The following CCSER2 variants were observed in gnomAD, a reference collection of about 807,000 sequenced individuals.
CCSER2 encodes the protein serine-rich coiled-coil domain-containing protein 2.
In CCSER2, 46 loss-of-function variants were observed where a neutral mutation model predicts 92.3. That is an observed-to-expected ratio of 0.50 (90% CI 0.39 to 0.64). The LOEUF (loss-of-function observed/expected upper bound fraction) is 0.64. CCSER2 is among the 30% of genes least tolerant of loss of function. The probability of loss-of-function intolerance (pLI) is 0.00; values close to 1 mark genes in which losing one functional copy is unlikely to be tolerated. For missense variants in CCSER2, 1,244 were observed against 1,238.9 expected (o/e 1.00, Z -0.06); for synonymous variants, 433 against 431.4 (o/e 1.00, Z -0.04).
At chr10:84,393,716 AAATT>A (rs1841660503) in intron 3 of CCSER2, 1 of 152,628 alleles carries the variant, frequency 6.6e-6, no homozygotes, top group Non-Finnish European at 1.5e-5. Flanking sequence ...AACCTTTAAA[AAATT>A]AAAGGTACTG....
rs35558044 is a variant in CCSER2, at chr10:84,341,343, C to CTTTTTT, written c.-40+12554_-40+12559dup. ...GCCACTGCACCTGGCCTTTGTAACT[C>CTTTTTT]TTTTTTTTTTTTTTTTTTTTTTTTA... is the stretch of plus-strand genomic sequence containing the variant. On this transcript the variant is annotated intron_variant, in intron 1 of 9. Coordinates refer to ENST00000372088, the MANE Select transcript of CCSER2 (RefSeq NM_001284240.2). 4.8e-4 allele frequency among the ~76,000 whole-genome samples: 45 copies of CTTTTTT among 94,308 alleles called. 3 individuals carry two copies. The highest frequency in any genetic ancestry group is 2.3e-3 in the African/African-American group (45 of 19,270). The allele number at this position is 94,308 out of a possible 152,430, so 61.9% of individuals were successfully genotyped here.
At chr10:84,465,597 A>G (rs1846371261) in intron 7 of CCSER2, among the ~76,000 whole-genome samples, 1 of 151,996 alleles carries the variant, frequency 6.6e-6, no homozygotes, top group Admixed American at 6.6e-5. Context: ...AAGTGTTGGG[A>G]TTGCAGGCAT....
intron 1 of CCSER2, among the ~76,000 whole-genome samples, chr10:84,337,138 A>G (rs1843881499): frequency 6.6e-6 from 1 of 152,158 alleles, no homozygotes; most frequent in East Asian, 1.9e-4. Flanking sequence ...TGGGTTAGAG[A>G]TATATAAATT....
chr10:84,372,857 A>C (rs1846139926), intron 2 of CCSER2, among the ~76,000 whole-genome samples: 1 of 152,120 alleles, frequency 6.6e-6, no homozygotes, highest in Non-Finnish European at 1.5e-5. Context: ...AAGCTGTACC[A>C]AAGGGTACAA....
At chr10:84,446,762 T>C (rs988617786) in intron 6 of CCSER2, among the ~76,000 whole-genome samples, 2 of 152,208 alleles carry the variant, frequency 1.3e-5, no homozygotes, top group African/African-American at 2.4e-5. Flanking sequence ...TTCCAGAACC[T>C]AGAGTTTTCC....
chr10:84,492,498 T>C (rs1209991947), intron 9 of CCSER2, among the ~76,000 whole-genome samples: 3 of 152,206 alleles, frequency 2.0e-5, no homozygotes, highest in Admixed American at 1.3e-4. Flanking sequence ...GGATTTTCAT[T>C]ACTATGTTGA....
intron 1 of CCSER2, among the ~76,000 whole-genome samples, chr10:84,341,367 T>TTTTA (rs71013314): frequency 6.8e-6 from 1 of 147,862 alleles, no homozygotes; most frequent in African/African-American, 2.5e-5. Context: ...TTTTTTTTTT[T>TTTTA]AGAGGCGGAG....
intron 1 of CCSER2, among the ~76,000 whole-genome samples, chr10:84,362,347 C>T (rs971775903): frequency 3.9e-5 from 6 of 152,138 alleles, no homozygotes; most frequent in East Asian, 1.9e-4. Flanking sequence ...TCAATATTGA[C>T]GTAGTTTGGC....
At chr10:84,340,270 T>G (rs1240420846) in intron 1 of CCSER2, among the ~76,000 whole-genome samples, 1 of 152,224 alleles carries the variant, frequency 6.6e-6, no homozygotes, top group Non-Finnish European at 1.5e-5. Context: ...CTGTTAACAT[T>G]ATGAGGTTTT....
At chr10:84,493,400 A>G (rs1848276046) in intron 9 of CCSER2, among the ~76,000 whole-genome samples, 1 of 152,180 alleles carries the variant, frequency 6.6e-6, no homozygotes, top group African/African-American at 2.4e-5. Flanking sequence ...CAAAGAACCA[A>G]CATTTTGTTT....
At chr10:84,341,136 A>G (rs1844157907) in intron 1 of CCSER2, among the ~76,000 whole-genome samples, 1 of 144,692 alleles carries the variant, frequency 6.9e-6, no homozygotes, top group African/African-American at 2.6e-5. Context: ...AACCTCCTGG[A>G]CTCAAGTGAT....
intron 6 of CCSER2, among the ~76,000 whole-genome samples, chr10:84,441,856 A>T (rs1440308155): frequency 7.2e-6 from 1 of 138,630 alleles, no homozygotes; most frequent in Non-Finnish European, 1.5e-5. Flanking sequence ...TCCTGGGTTC[A>T]CGCCATTCTC....
At chr10:84,486,162 G>T (rs1487708300) in intron 9 of CCSER2, among the ~76,000 whole-genome samples, 1 of 152,140 alleles carries the variant, frequency 6.6e-6, no homozygotes, top group Non-Finnish European at 1.5e-5. Context: ...ATTTGGGTTG[G>T]TTCCAAGTCT....
chr10:84,379,860 A>G (rs923743426), intron 3 of CCSER2, among the ~76,000 whole-genome samples: 4 of 152,066 alleles, frequency 2.6e-5, no homozygotes, highest in African/African-American at 9.7e-5. Flanking sequence ...TGTCATTTGA[A>G]TATACCTGTA....
intron 1 of CCSER2, among the ~76,000 whole-genome samples, chr10:84,352,176 C>T (rs993125558): frequency 6.6e-6 from 1 of 152,022 alleles, no homozygotes; most frequent in Non-Finnish European, 1.5e-5. Flanking sequence ...TGGTGGCACA[C>T]GCCTATAGTC....
chr10:84,492,854 T>G (rs1444885970), intron 9 of CCSER2, among the ~76,000 whole-genome samples: 1 of 152,154 alleles, frequency 6.6e-6, no homozygotes, highest in Admixed American at 6.5e-5. Flanking sequence ...GAATTCTAGT[T>G]AGTAGTATTT....
At chr10:84,366,901 A>C (rs1328625183) in intron 1 of CCSER2, among the ~76,000 whole-genome samples, 4 of 152,210 alleles carry the variant, frequency 2.6e-5, no homozygotes, top group Non-Finnish European at 5.9e-5. Context: ...CCTTGGTAGT[A>C]GTACAGGAAG....
At chr10:84,374,084 C>A in intron 3 of CCSER2, 2 of 717,618 alleles carry the variant, frequency 2.8e-6, no homozygotes, top group Non-Finnish European at 4.1e-6. Flanking sequence ...TTAATCTATG[C>A]CAGTGGTTCT....
At chr10:84,345,281 C>A (rs1471851083) in intron 1 of CCSER2, among the ~76,000 whole-genome samples, 1 of 152,210 alleles carries the variant, frequency 6.6e-6, no homozygotes, top group East Asian at 1.9e-4. Context: ...TTGGGGAGAT[C>A]TTAAGGGAAC....
Sources: allele counts gnomAD v4.1 joint callset (sites outside exome capture counted in the v4.1 genomes callset), GRCh38; gene constraint gnomAD v4.1.1; transcripts MANE v1.5; gene names NCBI Gene and HGNC (gene_info 2026-07-23, HGNC 2026-07-21).